The following SHANK2 variants were observed in gnomAD, a reference collection of about 807,000 sequenced individuals.
SHANK2 encodes the protein SH3 and multiple ankyrin repeat domains 2.
In SHANK2, 43 loss-of-function variants were observed where a neutral mutation model predicts 133.7. The ratio of observed to expected loss-of-function variants is 0.32; its 90% CI spans 0.25 to 0.41. The LOEUF (loss-of-function observed/expected upper bound fraction) is 0.41, where lower values mean the gene tolerates loss of function less well. Among genes scored for constraint, SHANK2 ranks in the 10% least tolerant of loss-of-function variants. The probability of loss-of-function intolerance (pLI) is 1.00; values close to 1 mark genes in which losing one functional copy is unlikely to be tolerated. For missense variants in SHANK2, 1,994 were observed against 2,235.8 expected (o/e 0.89, Z 2.18); for synonymous variants, 1,017 against 952.8 (o/e 1.07, Z -1.24).
intron 2 of SHANK2, among the ~76,000 whole-genome samples, chr11:71,200,476 C>G (rs1555116910): frequency 6.6e-6 from 1 of 152,160 alleles, no homozygotes; most frequent in Non-Finnish European, 1.5e-5. Flanking sequence ...TGGGGACACA[C>G]CCAGGAGTGG....
chr11:70,676,684 T>A (rs12290017), intron 15 of SHANK2, among the ~76,000 whole-genome samples: 9,722 of 152,244 alleles, frequency 0.064, 967 homozygotes, highest in African/African-American at 0.21. Context: ...GGGTAGTTAT[T>A]AATTAGAAGA....
intron 17 of SHANK2, among the ~76,000 whole-genome samples, chr11:70,552,995 T>C (rs1372023466): frequency 2.0e-5 from 3 of 152,150 alleles, no homozygotes; most frequent in Non-Finnish European, 4.4e-5. Flanking sequence ...TGTCCTCATG[T>C]GGTCATCCCT....
chr11:70,520,205 C>G (rs1328269284), intron 17 of SHANK2, among the ~76,000 whole-genome samples: 1 of 152,096 alleles, frequency 6.6e-6, no homozygotes, highest in South Asian at 2.1e-4. Context: ...ATTAATAAAC[C>G]AGTATTGATA....
intron 25 of SHANK2, among the ~76,000 whole-genome samples, chr11:70,481,535 G>C (rs959347928): frequency 6.6e-6 from 1 of 152,240 alleles, no homozygotes; most frequent in Admixed American, 6.5e-5. Flanking sequence ...GAACATTTGA[G>C]GAACAGCTCT....
chr11:70,594,160 G>C (rs1227609473), intron 17 of SHANK2, among the ~76,000 whole-genome samples: 5 of 152,172 alleles, frequency 3.3e-5, no homozygotes, highest in Non-Finnish European at 2.9e-5. Flanking sequence ...ATCCACAGAT[G>C]AATGAGTCAA....
At chr11:71,117,227 C>A (rs1240017924) in intron 4 of SHANK2, among the ~76,000 whole-genome samples, 1 of 152,148 alleles carries the variant, frequency 6.6e-6, no homozygotes, top group Non-Finnish European at 1.5e-5. Context: ...ACCATGTTGG[C>A]CAGGCTAATC....
intron 9 of SHANK2, among the ~76,000 whole-genome samples, chr11:71,057,705 C>A (rs1950936657): frequency 6.6e-6 from 1 of 151,528 alleles, no homozygotes; most frequent in Non-Finnish European, 1.5e-5. Context: ...CATGTGCCAC[C>A]ATGCCCAGCT....
chr11:71,221,896 T>C (rs1555121211), intron 2 of SHANK2, among the ~76,000 whole-genome samples: 2 of 151,996 alleles, frequency 1.3e-5, no homozygotes, highest in African/African-American at 2.4e-5. Context: ...ATGTTCATGA[T>C]CAATGAATGG....
intron 8 of SHANK2, among the ~76,000 whole-genome samples, chr11:71,082,285 G>C (rs1951311111): frequency 6.6e-6 from 1 of 152,204 alleles, no homozygotes; most frequent in South Asian, 2.1e-4. Context: ...CCCAGGCTTG[G>C]ACACCGCGGT....
intron 14 of SHANK2, among the ~76,000 whole-genome samples, chr11:70,753,173 T>TA (rs201365664): frequency 0.2 from 24,334 of 121,260 alleles, 2,449 homozygotes; most frequent in South Asian, 0.32. Flanking sequence ...ACAGAACTGT[T>TA]AAAAAAAAAA....
intron 23 of SHANK2, chr11:70,489,640 C>T: frequency 2.0e-6 from 1 of 502,506 alleles, no homozygotes; most frequent in South Asian, 2.2e-5. Flanking sequence ...AGGGCCTTAG[C>T]TTCTACCAGA....
chr11:71,249,002 T>G (rs1555125429), intron 1 of SHANK2, among the ~76,000 whole-genome samples: 1 of 152,128 alleles, frequency 6.6e-6, no homozygotes, highest in Non-Finnish European at 1.5e-5. Context: ...CTCAGATGAT[T>G]ATTCACGCGG....
chr11:70,618,635 T>C (rs1263940968), intron 17 of SHANK2, among the ~76,000 whole-genome samples: 3 of 152,202 alleles, frequency 2.0e-5, no homozygotes, highest in Non-Finnish European at 4.4e-5. Context: ...TTTCAGCTTG[T>C]GAATACGGTA....
intron 14 of SHANK2, among the ~76,000 whole-genome samples, chr11:70,740,719 C>T (rs1946505377): frequency 6.6e-6 from 1 of 152,320 alleles, no homozygotes; most frequent in Admixed American, 6.5e-5. Context: ...AGCACTCCCA[C>T]AGCAGAGCAG....
chr11:70,490,788 CCCATGTG>C (rs2058875627), intron 22 of SHANK2, among the ~76,000 whole-genome samples: 1 of 152,322 alleles, frequency 6.6e-6, no homozygotes, highest in African/African-American at 2.4e-5. Context: ...TACCCCACTC[CCCATGTG>C]CCATGTGACC....
At chr11:71,145,197 C>T (rs782528991) in intron 3 of SHANK2, among the ~76,000 whole-genome samples, 29 of 152,216 alleles carry the variant, frequency 1.9e-4, no homozygotes, top group Non-Finnish European at 3.8e-4. Flanking sequence ...GAGCCTCCCC[C>T]ACAACGGGTG....
chr11:71,167,116 G>C (rs1376744919), intron 2 of SHANK2, among the ~76,000 whole-genome samples: 1 of 151,996 alleles, frequency 6.6e-6, no homozygotes, highest in Non-Finnish European at 1.5e-5. Context: ...TAAGGTCACA[G>C]ATCAACAGGA....
At chr11:70,919,237 C>T (rs576160669) in intron 10 of SHANK2, among the ~76,000 whole-genome samples, 2 of 152,278 alleles carry the variant, frequency 1.3e-5, no homozygotes, top group South Asian at 2.1e-4. Flanking sequence ...CTGATGAACA[C>T]GCACACCGCC....
chr11:70,749,324 C>A (rs1431212401), intron 14 of SHANK2, among the ~76,000 whole-genome samples: 3 of 152,204 alleles, frequency 2.0e-5, no homozygotes, highest in Non-Finnish European at 4.4e-5. Context: ...GTAGGACAGG[C>A]ACAAAGGAGT....
Sources: gnomAD v4.1 joint callset for allele counts (sites outside exome capture counted in the v4.1 genomes callset) on GRCh38, gnomAD v4.1.1 for gene constraint, MANE v1.5 for transcripts, NCBI Gene and HGNC (gene_info 2026-07-23, HGNC 2026-07-21) for gene names.